Variants in FAM135B observed in about 807,000 individuals in gnomAD.
FAM135B encodes protein FAM135B.
In FAM135B, 43 loss-of-function variants were observed where a neutral mutation model predicts 127.7. The ratio of observed to expected loss-of-function variants is 0.34; its 90% CI spans 0.26 to 0.43. FAM135B has a LOEUF of 0.43. FAM135B is among the 20% of genes least tolerant of loss of function. The probability of loss-of-function intolerance (pLI) is 1.00; values close to 1 mark genes in which losing one functional copy is unlikely to be tolerated. For missense variants in FAM135B, 1,558 were observed against 1,725.6 expected (o/e 0.90, Z 1.72); for synonymous variants, 670 against 665.1 (o/e 1.01, Z -0.11).
intron 3 of FAM135B, among the ~76,000 whole-genome samples, chr8:138,286,094 C>A (rs1824662870): frequency 6.6e-6 from 1 of 152,124 alleles, no homozygotes; most frequent in African/African-American, 2.4e-5. Context: ...CCATTCCATT[C>A]TAGTGCCATG....
chr8:138,271,575 G>A (rs1197667589), intron 3 of FAM135B, among the ~76,000 whole-genome samples: 1 of 152,166 alleles, frequency 6.6e-6, no homozygotes, highest in Non-Finnish European at 1.5e-5. Context: ...AATAGCGAAT[G>A]AATATTCCCA....
At chr8:138,387,868 G>A (rs1832312682) in intron 1 of FAM135B, among the ~76,000 whole-genome samples, 1 of 152,106 alleles carries the variant, frequency 6.6e-6, no homozygotes, top group Admixed American at 6.5e-5. Flanking sequence ...CCTCTACCCA[G>A]AAGCTAGAGG....
At chr8:138,180,087 G>C (rs984793178) in intron 9 of FAM135B, among the ~76,000 whole-genome samples, 1 of 152,204 alleles carries the variant, frequency 6.6e-6, no homozygotes, top group Non-Finnish European at 1.5e-5. Context: ...AAATGCTTTA[G>C]ATAGCTACAG....
intron 1 of FAM135B, among the ~76,000 whole-genome samples, chr8:138,400,836 GTA>G (rs1216219877): frequency 2.6e-5 from 4 of 152,166 alleles, no homozygotes; most frequent in Non-Finnish European, 4.4e-5. Context: ...ACACCAAAAT[GTA>G]TGAGAAATAG....
intron 2 of FAM135B, among the ~76,000 whole-genome samples, chr8:138,344,805 G>A (rs1829300963): frequency 6.6e-6 from 1 of 152,036 alleles, no homozygotes; most frequent in African/African-American, 2.4e-5. Flanking sequence ...TCGATCTCCT[G>A]ACCTCGTGAT....
chr8:138,435,170 C>T (rs1015006126), intron 1 of FAM135B, among the ~76,000 whole-genome samples: 34 of 151,976 alleles, frequency 2.2e-4, no homozygotes, highest in Non-Finnish European at 4.0e-4. Flanking sequence ...TCGTGGCAGG[C>T]GCCTGTAATC....
At chr8:138,292,682 G>T (rs1825202705) in intron 3 of FAM135B, among the ~76,000 whole-genome samples, 3 of 151,940 alleles carry the variant, frequency 2.0e-5, no homozygotes, top group African/African-American at 7.2e-5. Flanking sequence ...AGCCAATGGG[G>T]TGGTAATTAT....
intron 2 of FAM135B, among the ~76,000 whole-genome samples, chr8:138,349,095 C>G (rs150286257): frequency 6.6e-6 from 1 of 152,222 alleles, no homozygotes; most frequent in African/African-American, 2.4e-5. Flanking sequence ...CTGGGACTTT[C>G]GTGGTCTTAG....
At position 138,151,934 on chromosome 8, in the gene FAM135B, G is replaced by A. The variant is rs1449738993; in HGVS notation, c.2541C>T (p.Ile847=). 6.2e-6 allele frequency: 10 copies of A among 1,614,170 alleles called. No individual in the cohort carries two copies. Among genetic ancestry groups the A allele is most frequent in the African/African-American group, 1.3e-5 (1 of 75,040 alleles). ...CAAACTGCTTCCCTTTCCCTTTGGG[G>A]ATGTCTATGTATCCGGGGCCCTGCT... The part of the protein sequence containing the change: ...DNQQGPGYID[I]PKGKGKQFDA... Residue 847 remains isoleucine, a synonymous_variant, in exon 13 of 20, where the codon ATC becomes ATT. Coordinates refer to ENST00000395297, the MANE Select transcript of FAM135B (RefSeq NM_015912.4).
rs11988757 is a variant in FAM135B at position 138,201,024 on chromosome 8, A to C, written c.670-3355T>G. ...TCTGAAACCAGGCCTGGCAGAGAGC[A>C]CATGCTAGACAAAGCTCCGCTTGCT... On this transcript the variant is annotated intron_variant, in intron 7 of 19. Transcript: ENST00000395297. Among the ~76,000 whole-genome samples, 692 of 152,334 alleles carry C rather than the reference A, an allele frequency of 4.5e-3. 8 individuals carry two copies. Among genetic ancestry groups the C allele is most frequent in the African/African-American group, 0.015 (635 of 41,564 alleles).
intron 18 of FAM135B, among the ~76,000 whole-genome samples, chr8:138,138,348 G>A (rs1255763736): frequency 2.6e-5 from 4 of 152,216 alleles, no homozygotes; most frequent in South Asian, 4.1e-4. Flanking sequence ...CAGGACGGTG[G>A]AAGATTGTGA....
In FAM135B at chr8:138,187,732, A is replaced by G. The variant is rs775148440; in HGVS notation, c.873+7526T>C. The stretch of plus-strand genomic sequence containing the variant: ...CTTTTGTTATTCATAAATTCCTTTC[A>G]AACATATGCTAATTGAGCCTGTGCC... On this transcript the variant is annotated intron_variant, in intron 9 of 19. Transcript: ENST00000395297. Among the ~76,000 whole-genome samples, 79 of 152,222 alleles carry G rather than the reference A, an allele frequency of 5.2e-4. 1 individual carries two copies. The highest frequency in any genetic ancestry group is 1.2e-3 in the Admixed American group (19 of 15,288).
At chr8:138,190,740 C>T (rs563776938) in intron 9 of FAM135B, among the ~76,000 whole-genome samples, 2 of 152,180 alleles carry the variant, frequency 1.3e-5, no homozygotes, top group African/African-American at 2.4e-5. Flanking sequence ...CCTTCATCTG[C>T]GTAATAAGAA....
chr8:138,388,390 C>G (rs1832346591), intron 1 of FAM135B, among the ~76,000 whole-genome samples: 4 of 152,148 alleles, frequency 2.6e-5, no homozygotes, highest in Admixed American at 2.0e-4. Context: ...ATTGTGCTCC[C>G]CAGTACCTAC....
At chr8:138,282,987 G>A (rs1253667400) in intron 3 of FAM135B, among the ~76,000 whole-genome samples, 4 of 150,148 alleles carry the variant, frequency 2.7e-5, no homozygotes, top group Admixed American at 6.6e-5. Context: ...TGCAACCTCC[G>A]CCTCCTGGGT....
chr8:138,447,622 G>T (rs1230590429), intron 1 of FAM135B, among the ~76,000 whole-genome samples: 3 of 151,350 alleles, frequency 2.0e-5, no homozygotes, highest in African/African-American at 4.9e-5. Flanking sequence ...CTTGTACACA[G>T]GAAGGGGGAC....
At chr8:138,327,277 A>G (rs1014460596) in intron 2 of FAM135B, among the ~76,000 whole-genome samples, 1 of 152,208 alleles carries the variant, frequency 6.6e-6, no homozygotes, top group African/African-American at 2.4e-5. Context: ...TCATTGTCAC[A>G]TTCTATCTGG....
intron 12 of FAM135B, among the ~76,000 whole-genome samples, chr8:138,164,122 G>A (rs182520018): frequency 1.3e-5 from 2 of 152,350 alleles, no homozygotes; most frequent in African/African-American, 4.8e-5. Context: ...CTGGGTTCTT[G>A]AGGGAAGAGA....
intron 9 of FAM135B, among the ~76,000 whole-genome samples, chr8:138,185,119 T>A (rs1298439030): frequency 6.6e-6 from 1 of 151,924 alleles, no homozygotes. Flanking sequence ...AAAGGAGAGG[T>A]AACAGTGACC....
Sources: gnomAD v4.1 joint callset for allele counts (sites outside exome capture counted in the v4.1 genomes callset) on GRCh38, gnomAD v4.1.1 for gene constraint, MANE v1.5 for transcripts, NCBI Gene and HGNC (gene_info 2026-07-23, HGNC 2026-07-21) for gene names.